Variants in ARID1B observed in about 807,000 individuals in gnomAD.
ARID1B encodes the protein AT-rich interaction domain 1B, also known as AT-rich interactive domain-containing protein 1B.
In ARID1B, 30 loss-of-function variants were observed where a neutral mutation model predicts 212.3. The ratio of observed to expected loss-of-function variants is 0.14; its 90% CI spans 0.11 to 0.19. The LOEUF is 0.19. ARID1B is among the 10% of genes least tolerant of loss of function. The pLI is 1.00. For missense variants in ARID1B, 2,891 were observed against 3,204.0 expected (o/e 0.90, Z 2.36); for synonymous variants, 1,402 against 1,301.7 (o/e 1.08, Z -1.66).
chr6:156,928,582 C>CTT (rs1791436305), intron 3 of ARID1B, among the ~76,000 whole-genome samples: 1 of 152,124 alleles, frequency 6.6e-6, no homozygotes. Context: ...TGGGAATCAC[C>CTT]ACCAAGCAGG....
intron 2 of ARID1B, among the ~76,000 whole-genome samples, chr6:156,871,057 G>A (rs887042127): frequency 1.3e-5 from 2 of 152,242 alleles, no homozygotes; most frequent in African/African-American, 2.4e-5. Flanking sequence ...AGTAAGTTCC[G>A]TAACTAGAAT....
chr6:156,923,726 AC>A (rs1790991421), intron 3 of ARID1B, among the ~76,000 whole-genome samples: 1 of 149,792 alleles, frequency 6.7e-6, no homozygotes, highest in Admixed American at 6.6e-5. Flanking sequence ...TTTTTTAAAG[AC>A]AGAGTCTTGC....
intron 1 of ARID1B, among the ~76,000 whole-genome samples, chr6:156,815,962 A>T (rs183266406): frequency 6.6e-6 from 1 of 152,214 alleles, no homozygotes; most frequent in East Asian, 1.9e-4. Flanking sequence ...AAGTTAAGTA[A>T]GTTTTTTCTA....
At chr6:156,961,344 G>A (rs767745214) in intron 4 of ARID1B, among the ~76,000 whole-genome samples, 1 of 152,224 alleles carries the variant, frequency 6.6e-6, no homozygotes, top group Non-Finnish European at 1.5e-5. Context: ...ACACAACTTT[G>A]AGGTGTGTAA....
At chr6:157,099,068 A>G (rs1785872511) in intron 5 of ARID1B, among the ~76,000 whole-genome samples, 1 of 152,110 alleles carries the variant, frequency 6.6e-6, no homozygotes, top group African/African-American at 2.4e-5. Flanking sequence ...GGTTTAAGCA[A>G]TTCTCCTGAC....
At chr6:157,025,221 A>G (rs957763683) in intron 4 of ARID1B, among the ~76,000 whole-genome samples, 1 of 152,246 alleles carries the variant, frequency 6.6e-6, no homozygotes, top group Non-Finnish European at 1.5e-5. Context: ...ATTCTAGAAC[A>G]CTTTCTCAGA....
chr6:157,148,338 GTTTTTTGT>G lies in ARID1B; in HGVS notation c.2762-275_2762-268del, dbSNP rs542167688. Among the ~76,000 whole-genome samples the G allele has an allele frequency of 6.6e-6, 1 of 152,020 alleles. No homozygotes were observed. The highest frequency in any genetic ancestry group is 1.5e-5 in the Non-Finnish European group (1 of 67,988). On this transcript the variant is annotated intron_variant, in intron 7 of 19. Coordinates refer to ENST00000636930, the MANE Select transcript of ARID1B (RefSeq NM_001374828.1). This position sits in a 1 kb window ranked among gnomAD's most constrained non-coding sequence, Gnocchi z 5.6. Reference sequence around the variant, plus strand: ...TGTCCCTTGCCTATTCATAGGGTTTGTTTTTTGTTTTTTTGTTTGTTTCTTTTTATGAC... The same window carrying G: ...TGTCCCTTGCCTATTCATAGGGTTTGTTTTTTGTTTGTTTCTTTTTATGAC...
At chr6:157,196,348 T>A in intron 16 of ARID1B, 33 bp downstream of exon 16, 1 of 1,578,528 alleles carries the variant, frequency 6.3e-7, no homozygotes, top group South Asian at 1.2e-5. Flanking sequence ...ATATGATGAT[T>A]TACTAGAAAC....
intron 2 of ARID1B, among the ~76,000 whole-genome samples, chr6:156,833,938 A>G (rs1273916108): frequency 6.6e-6 from 1 of 152,220 alleles, no homozygotes; most frequent in Non-Finnish European, 1.5e-5. Flanking sequence ...AGATGTTTCT[A>G]AAAAGGAGAC....
At chr6:157,026,841 G>T (rs1304265760) in intron 4 of ARID1B, among the ~76,000 whole-genome samples, 1 of 152,166 alleles carries the variant, frequency 6.6e-6, no homozygotes, top group Non-Finnish European at 1.5e-5. Context: ...TTTTAAAGAG[G>T]TGAAGGGGAG....
At chr6:156,819,680 ACTC>A in intron 1 of ARID1B, among the ~76,000 whole-genome samples, 1 of 151,952 alleles carries the variant, frequency 6.6e-6, no homozygotes, top group East Asian at 1.9e-4. Context: ...CCTCTTCCGT[ACTC>A]CTGTTTCTCT....
At chr6:156,927,070 T>C (rs144492211) in intron 3 of ARID1B, among the ~76,000 whole-genome samples, 26 of 152,328 alleles carry the variant, frequency 1.7e-4, no homozygotes, top group African/African-American at 6.3e-4. Flanking sequence ...CAGTTATCAC[T>C]ATTAAAATAT....
Position 157,189,649 on chromosome 6 carries a change from G to A in ARID1B, c.3927G>A (p.Ser1309=), listed in dbSNP as rs776425168. ...PKLQPPSPAN[S]GSLQGPQTPQ... ...TGGTGCTGCTACTATCAGCTAACTC[G>A]GGATCCTTGCAAGGCCCACAGACCC... The change falls in exon 14 of 20, where the codon TCG becomes TCA. Residue 1309 remains serine, a synonymous_variant. Transcript: ENST00000636930. 28 of 1,607,122 alleles carry A rather than the reference G, an allele frequency of 1.7e-5. No homozygotes were observed. The East Asian group carries it at 4.0e-4, about 23-fold the overall frequency.
intron 5 of ARID1B, among the ~76,000 whole-genome samples, chr6:157,090,206 T>TA (rs1211409954): frequency 6.6e-6 from 1 of 152,224 alleles, no homozygotes. Context: ...CCATGTGCTG[T>TA]AAGCAGCGGC....
intron 4 of ARID1B, among the ~76,000 whole-genome samples, chr6:157,039,747 T>TCCTC (rs1231561457): frequency 3.6e-5 from 4 of 110,490 alleles, no homozygotes; most frequent in Non-Finnish European, 5.8e-5. Flanking sequence ...CTCCCTCCCT[T>TCCTC]CCTTCCTTCC....
intron 1 of ARID1B, among the ~76,000 whole-genome samples, chr6:156,821,789 A>T (rs1484678947): frequency 6.6e-6 from 1 of 152,176 alleles, no homozygotes; most frequent in Non-Finnish European, 1.5e-5. Flanking sequence ...TGCTAAATTG[A>T]GGGTTCCATG....
rs116856799 is a variant in ARID1B, at chr6:156,842,029, G to A, written c.1986+12608G>A. Among the ~76,000 whole-genome samples, 28 of 152,194 alleles carry A rather than the reference G, an allele frequency of 1.8e-4. 2 individuals carry two copies. In the East Asian group the frequency reaches 2.1e-3, roughly 12 times the overall value. ...AGCCTCATTTTGACATTGAATATTCGTTTCACGTAAAGTCTTTTGTGACCT... is the reference window on the plus strand; with the variant it reads ...AGCCTCATTTTGACATTGAATATTCATTTCACGTAAAGTCTTTTGTGACCT... On this transcript the variant is annotated intron_variant, in intron 2 of 19. Coordinates refer to ENST00000636930, the MANE Select transcript of ARID1B (RefSeq NM_001374828.1).
At chr6:156,931,146 C>T (rs531134396) in intron 3 of ARID1B, among the ~76,000 whole-genome samples, 42 of 139,326 alleles carry the variant, frequency 3.0e-4, no homozygotes, top group Middle Eastern at 3.8e-3. Context: ...GCCGAGATTG[C>T]GCCCACTGCA....
intron 6 of ARID1B, among the ~76,000 whole-genome samples, chr6:157,120,824 G>A (rs1040656206): frequency 6.6e-6 from 1 of 152,206 alleles, no homozygotes; most frequent in African/African-American, 2.4e-5. Context: ...TGGACGTCTT[G>A]TTGGTATCCT....
Sources: allele counts gnomAD v4.1 joint callset (sites outside exome capture counted in the v4.1 genomes callset), GRCh38; gene constraint gnomAD v4.1.1; non-coding constraint Gnocchi (gnomAD v3.1); transcripts MANE v1.5; gene names NCBI Gene and HGNC (gene_info 2026-07-23, HGNC 2026-07-21).